Variants in PFKFB3 observed in about 807,000 individuals in gnomAD.
PFKFB3 encodes the protein 6-phosphofructo-2-kinase/fructose-2,6-bisphosphatase 3.
A neutral mutation model predicts 68.0 loss-of-function variants in PFKFB3; 33 were observed. That is an observed-to-expected ratio of 0.49 (90% CI 0.37 to 0.65). The LOEUF is 0.65. Ranked by LOEUF, PFKFB3 falls within the 30% of genes least tolerant of loss-of-function variation. The pLI is 0.00. For synonymous variants in PFKFB3, 315 were observed against 288.2 expected (o/e 1.09, Z -0.94); for missense variants, 586 against 712.2 (o/e 0.82, Z 2.02).
rs935445058 is a variant in PFKFB3 at position 6,215,140 on chromosome 10, T to C, written c.203-81T>C. Reference sequence around the variant, plus strand: ...TGTGGTTGGCCTGGTGGCTCTTCCTTTGGTCGATCCTATGGTCCCGGTGTG... The same window carrying C: ...TGTGGTTGGCCTGGTGGCTCTTCCTCTGGTCGATCCTATGGTCCCGGTGTG... On this transcript the variant is annotated intron_variant, in intron 2 of 14. Transcript: ENST00000379775. The surrounding 1 kb of genome is among the most constrained non-coding windows in gnomAD (Gnocchi z 4.3). 8.1e-7 allele frequency: 1 copy of C among 1,230,146 alleles called. No homozygotes were observed. Among genetic ancestry groups the C allele is most frequent in the Non-Finnish European group, 1.2e-6 (1 of 840,510 alleles). The allele number at this position is 1,230,146 out of a possible 1,614,324, so 76.2% of individuals were successfully genotyped here.
chr10:6,250,564 CG>C (rs1846357760), intron 14 of PFKFB3, among the ~76,000 whole-genome samples: 1 of 137,418 alleles, frequency 7.3e-6, no homozygotes. Flanking sequence ...GAGCGAGACT[CG>C]GTCTCAAAAA....
At position 6,228,324 on chromosome 10, in the gene PFKFB3, G is replaced by A; in HGVS notation, c.1515+1959G>A. ...TTGAGGATGAGAGCAGTTTTGTGAT[G>A]TGAGGTCTTCCGTGGGGGAAGGAGG... On this transcript the variant is annotated intron_variant, in intron 14 of 14. Coordinates refer to ENST00000379775, the MANE Select transcript of PFKFB3 (RefSeq NM_004566.4). The surrounding 1 kb of genome is among the most constrained non-coding windows in gnomAD (Gnocchi z 4.5). 8.0e-7 allele frequency: 1 copy of A among 1,246,686 alleles called. No individual in the cohort carries two copies. Among genetic ancestry groups the A allele is most frequent in the Non-Finnish European group, 1.2e-6 (1 of 849,720 alleles). 77.2% of individuals were successfully genotyped at this position (1,246,686 alleles called of 1,614,324 possible).
At chr10:6,238,143 T>A (rs1348774191), downstream of PFKFB3, among the ~76,000 whole-genome samples, 4 of 151,952 alleles carry the variant, frequency 2.6e-5, no homozygotes, top group African/African-American at 9.7e-5. Context: ...CTGAGAAATG[T>A]CTTTGGAGAA....
the PFKFB3 span, among the ~76,000 whole-genome samples, chr10:6,290,183 G>A: frequency 3.7e-3 from 556 of 152,004 alleles, 4 homozygotes; most frequent in African/African-American, 0.013. Context: ...TCTCCTAATT[G>A]AATACCCTTT....
chr10:6,169,140 C>T (rs1329296310), intron 1 of PFKFB3, among the ~76,000 whole-genome samples: 1 of 152,070 alleles, frequency 6.6e-6, no homozygotes, highest in Non-Finnish European at 1.5e-5. Flanking sequence ...CGGGGTCTTG[C>T]CATGTTGGCC....
chr10:6,245,452 T>C (rs1187055245), intron 14 of PFKFB3, among the ~76,000 whole-genome samples: 1 of 151,926 alleles, frequency 6.6e-6, no homozygotes, highest in African/African-American at 2.4e-5. Flanking sequence ...GGTCTGGCTC[T>C]GTCGCCCAGG....
intron 14 of PFKFB3, among the ~76,000 whole-genome samples, chr10:6,248,628 CAAAAAAAAAAAA>C (rs1215741346): frequency 1.4e-5 from 1 of 71,874 alleles, no homozygotes; most frequent in Admixed American, 1.7e-4. Flanking sequence ...GACTCCATCT[CAAAAAAAAAAAA>C]AAAAAAAAAA....
At chr10:6,209,763 T>TC in intron 1 of PFKFB3, among the ~76,000 whole-genome samples, 1 of 60,870 alleles carries the variant, frequency 1.6e-5, no homozygotes, top group Non-Finnish European at 3.7e-5. Flanking sequence ...TACTTACCTT[T>TC]TCTTTTTTTT....
At position 6,221,481 on chromosome 10, in the gene PFKFB3, T is replaced by C. The variant is rs1564634525; in HGVS notation, c.932T>C (p.Leu311Pro). Residue 311 changes from leucine to proline, a missense_variant, in exon 9 of 15, where the codon CTG (leucine) becomes CCG (proline). Coordinates refer to ENST00000379775, the MANE Select transcript of PFKFB3 (RefSeq NM_004566.4). ...AGCACCATCCAGACGGCCGAGGCGC[T>C]GCGGCTGCCCTACGAGCAGTGGAAG... is the stretch of plus-strand genomic sequence containing the variant. ...LKSTIQTAEALRLPYEQWKAL... is the reference protein window; with the variant it reads ...LKSTIQTAEAPRLPYEQWKAL... 6.2e-7 allele frequency: 1 copy of C among 1,613,646 alleles called. No individual in the cohort carries two copies. The highest frequency in any genetic ancestry group is 8.5e-7 in the Non-Finnish European group (1 of 1,180,008).
intron 1 of PFKFB3, among the ~76,000 whole-genome samples, chr10:6,212,030 C>A (rs948482977): frequency 3.9e-5 from 6 of 152,384 alleles, no homozygotes; most frequent in Admixed American, 3.9e-4. Context: ...GCAGCATAAG[C>A]CTGCTCAGCT....
At chr10:6,158,641 G>T (rs144821118) in intron 1 of PFKFB3, among the ~76,000 whole-genome samples, 1 of 152,042 alleles carries the variant, frequency 6.6e-6, no homozygotes, top group Admixed American at 6.6e-5. Context: ...CTAGGCAGGC[G>T]GATCACCTGA....
chr10:6,216,237 G>A, intron 4 of PFKFB3, 46 bp downstream of exon 4: 1 of 1,545,324 alleles, frequency 6.5e-7, no homozygotes, highest in South Asian at 1.1e-5. Context: ...TCCCACCCAT[G>A]AGGGTGTCCT....
In PFKFB3 at chr10:6,180,181, GA is replaced by G. The variant is rs147314828; in HGVS notation, c.17-33432del. ...ACATAGTGAGACCCTGTCTCTAAAA[GA>G]AAAAAAAAATGCTGTAATTGACATT... On this transcript the variant is annotated intron_variant, in intron 1 of 14. Transcript: ENST00000379789. Among the ~76,000 whole-genome samples, 54 of 147,430 alleles carry G rather than the reference GA, an allele frequency of 3.7e-4. No homozygotes were observed. The East Asian group carries it at 6.2e-3, about 17-fold the overall frequency.
At chr10:6,291,734 GC>G in the PFKFB3 span, among the ~76,000 whole-genome samples, 1 of 152,092 alleles carries the variant, frequency 6.6e-6, no homozygotes, top group East Asian at 1.9e-4. Flanking sequence ...ACTGCTCTGG[GC>G]TAGTGTACAT....
Position 6,235,412 on chromosome 10 carries a change from G to C in PFKFB3, c.*2470G>C, listed in dbSNP as rs914922402. ...GACTTATGACTTCTCTGTGTTCTGT[G>C]TATTTGTCTGAATTAATGACCTGGG... On this transcript the variant is annotated 3_prime_UTR_variant, in exon 15 of 15. Coordinates refer to ENST00000379775, the MANE Select transcript of PFKFB3 (RefSeq NM_004566.4). 1.3e-5 allele frequency: 2 copies of C among 152,338 alleles called. No homozygotes were observed. Among genetic ancestry groups the C allele is most frequent in the African/African-American group, 4.8e-5 (2 of 41,440 alleles). 9.4% of individuals were successfully genotyped at this position (152,338 alleles called of 1,614,324 possible). A position where few individuals can be genotyped will look rare whatever the true frequency, so the allele number is the denominator to read the frequency against.
intron 11 of PFKFB3, 25 bp downstream of exon 11, chr10:6,223,009 G>C: frequency 6.2e-7 from 1 of 1,605,240 alleles, no homozygotes; most frequent in South Asian, 1.1e-5. Context: ...TCGTGGCCCC[G>C]GGATGGAGGG....
intron 1 of PFKFB3, among the ~76,000 whole-genome samples, chr10:6,207,987 G>A (rs1304934489): frequency 6.6e-6 from 1 of 152,188 alleles, no homozygotes; most frequent in Non-Finnish European, 1.5e-5. Context: ...ATCAGAAGTT[G>A]CCATGATCAG....
chr10:6,237,126 G>A (rs1481641788), downstream of PFKFB3, among the ~76,000 whole-genome samples: 7 of 152,210 alleles, frequency 4.6e-5, no homozygotes, highest in African/African-American at 7.2e-5. Context: ...CCAGCTATCC[G>A]GGGTTCTCCC....
intron 1 of PFKFB3, among the ~76,000 whole-genome samples, chr10:6,183,614 A>AATATATAT (rs371411251): frequency 1.4e-4 from 13 of 93,950 alleles, no homozygotes; most frequent in African/African-American, 4.1e-4. Context: ...AAAAAAAAAA[A>AATATATAT]ATATATATAT....
Sources: gnomAD v4.1 joint callset for allele counts (sites outside exome capture counted in the v4.1 genomes callset) on GRCh38, gnomAD v4.1.1 for gene constraint, Gnocchi (gnomAD v3.1) non-coding constraint, MANE v1.5 for transcripts, NCBI Gene and HGNC (gene_info 2026-07-23, HGNC 2026-07-21) for gene names.